Variants in PLEKHA5 observed in about 807,000 individuals in gnomAD.
PLEKHA5 encodes pleckstrin homology domain containing A5.
A neutral mutation model predicts 181.9 loss-of-function variants in PLEKHA5; 55 were observed. That is an observed-to-expected ratio of 0.30 (90% CI 0.24 to 0.38). The LOEUF is 0.38. Ranked by LOEUF, PLEKHA5 falls within the 10% of genes least tolerant of loss-of-function variation. The pLI is 1.00. For synonymous variants in PLEKHA5, 535 were observed against 529.4 expected (o/e 1.01, Z -0.15); for missense variants, 1,432 against 1,549.5 (o/e 0.92, Z 1.27).
At chr12:19,277,239 G>T (rs1055427663) in intron 11 of PLEKHA5, among the ~76,000 whole-genome samples, 11 of 152,124 alleles carry the variant, frequency 7.2e-5, no homozygotes, top group African/African-American at 2.7e-4. Flanking sequence ...TCAGAAGATT[G>T]GTGCGTCTCT....
At chr12:19,350,753 T>C (rs1442720329) in intron 25 of PLEKHA5, among the ~76,000 whole-genome samples, 1 of 151,868 alleles carries the variant, frequency 6.6e-6, no homozygotes, top group Non-Finnish European at 1.5e-5. Context: ...AGACAGTGAC[T>C]CCATCTCAAA....
rs180842459 is a variant in PLEKHA5 at position 19,298,736 on chromosome 12, A to T, written c.2037+7039A>T. On this transcript the variant is annotated intron_variant, in intron 15 of 31. Coordinates refer to ENST00000429027, the MANE Select transcript of PLEKHA5 (RefSeq NM_001256470.2). ...CTAAAGCAAAAAAATAAAATAATTTAAAAAAAATGGTTCAGAATATCAGTT... is the reference window on the plus strand; with the variant it reads ...CTAAAGCAAAAAAATAAAATAATTTTAAAAAAATGGTTCAGAATATCAGTT... Among the ~76,000 whole-genome samples, 381 of 152,088 alleles carry T rather than the reference A, an allele frequency of 2.5e-3. 3 individuals carry two copies. The highest frequency in any genetic ancestry group is 0.021 in the East Asian group (109 of 5,160).
chr12:19,304,517 A>G (rs1448007272), intron 15 of PLEKHA5, among the ~76,000 whole-genome samples: 1 of 152,214 alleles, frequency 6.6e-6, no homozygotes, highest in East Asian at 1.9e-4. Flanking sequence ...TCAGTATCTG[A>G]TATCAACTCA....
In PLEKHA5 at chr12:19,283,681, T is replaced by C. The variant is rs1437351754; in HGVS notation, c.1715T>C (p.Val572Ala). The C allele has an allele frequency of 6.2e-7, 1 of 1,613,988 alleles. No homozygotes were observed. Among genetic ancestry groups the C allele is most frequent in the Non-Finnish European group, 8.5e-7 (1 of 1,180,018 alleles). Residue 572 changes from valine to alanine, a missense_variant, in exon 12 of 32, where the codon GTG (valine) becomes GCG (alanine). Transcript: ENST00000429027. ...CCTCAACGAACTTACAGATCGGAAG[T>C]GTCTTCACCAATTCAGAGAGGAGAT... Reference protein sequence around the residue: ...YSPQRTYRSEVSSPIQRGDVT... With the variant: ...YSPQRTYRSEASSPIQRGDVT...
intron 21 of PLEKHA5, among the ~76,000 whole-genome samples, chr12:19,337,887 C>A: frequency 6.6e-6 from 1 of 151,646 alleles, no homozygotes; most frequent in South Asian, 2.1e-4. Context: ...CAAAATTAGC[C>A]GAGCTTGGTG....
intron 3 of PLEKHA5, chr12:19,152,142 A>C (rs987012666): frequency 5.3e-5 from 8 of 152,242 alleles, no homozygotes; most frequent in African/African-American, 1.7e-4. Context: ...CTGGGATTAC[A>C]GGCGTGAGCC....
intron 3 of PLEKHA5, among the ~76,000 whole-genome samples, chr12:19,191,361 C>A (rs973714987): frequency 6.6e-6 from 1 of 152,126 alleles, no homozygotes; most frequent in Non-Finnish European, 1.5e-5. Flanking sequence ...TACTTTAATA[C>A]CCTGACACAC....
intron 3 of PLEKHA5, among the ~76,000 whole-genome samples, chr12:19,225,236 C>A (rs1315459141): frequency 6.6e-6 from 1 of 152,120 alleles, no homozygotes; most frequent in African/African-American, 2.4e-5. Flanking sequence ...CCTTTTTACT[C>A]CATCTTTGGG....
chr12:19,192,866 C>A (rs78972692), intron 3 of PLEKHA5, among the ~76,000 whole-genome samples: 159 of 152,210 alleles, frequency 1.0e-3, no homozygotes, highest in Non-Finnish European at 1.6e-3. Flanking sequence ...CTAATACTTT[C>A]GATTAGGGGT....
At chr12:19,336,877 T>A (rs552001274) in intron 21 of PLEKHA5, among the ~76,000 whole-genome samples, 1 of 152,120 alleles carries the variant, frequency 6.6e-6, no homozygotes, top group Non-Finnish European at 1.5e-5. Context: ...CTCTACAGTT[T>A]CCTAAAAACA....
chr12:19,309,066 AAAAAG>A (rs1241299285), intron 15 of PLEKHA5, among the ~76,000 whole-genome samples: 1 of 152,100 alleles, frequency 6.6e-6, no homozygotes, highest in Non-Finnish European at 1.5e-5. Context: ...CATCTCAAAA[AAAAAG>A]AAAAAAAGAG....
chr12:19,306,727 C>G (rs1279888320), intron 15 of PLEKHA5: 2 of 1,287,474 alleles, frequency 1.6e-6, no homozygotes, highest in Non-Finnish European at 1.1e-6. Context: ...CGACGAACCA[C>G]ACCTCTTCCC....
chr12:19,131,278 CCT>C (rs1351807536), intron 2 of PLEKHA5, among the ~76,000 whole-genome samples: 3 of 152,246 alleles, frequency 2.0e-5, no homozygotes, highest in Non-Finnish European at 4.4e-5. Flanking sequence ...AACAAACCTG[CCT>C]CTCTGTGAAA....
intron 7 of PLEKHA5, among the ~76,000 whole-genome samples, chr12:19,263,526 G>A (rs1457021172): frequency 1.3e-5 from 2 of 152,176 alleles, no homozygotes; most frequent in Non-Finnish European, 2.9e-5. Flanking sequence ...GACATAAAAA[G>A]TGTGTTGTCA....
In PLEKHA5 at chr12:19,354,001, C is replaced by A. The variant is rs572731528; in HGVS notation, c.3137C>A (p.Thr1046Lys). 3 of 1,358,796 alleles carry A rather than the reference C, an allele frequency of 2.2e-6. No homozygotes were observed. Among genetic ancestry groups the A allele is most frequent in the Non-Finnish European group, 3.2e-6 (3 of 951,798 alleles). 84.2% of individuals were successfully genotyped at this position (1,358,796 alleles called of 1,614,324 possible). A position where few individuals can be genotyped will look rare whatever the true frequency, so the allele number is the denominator to read the frequency against. Residue 1046 changes from threonine (T) to lysine (K), a missense_variant and splice_region_variant, in exon 26 of 32, where the codon ACG becomes AAG. Thr to Lys is a moderately conservative substitution (Grantham distance 78, BLOSUM62 -1). Around this residue, in one of 2 missense-constraint regions of PLEKHA5, gnomAD observed 1,143 missense variants for 1,168.4 expected, o/e 0.98. Coordinates refer to ENST00000429027, the MANE Select transcript of PLEKHA5 (RefSeq NM_001256470.2). ...ACTAAGAAGATGATGGATCTAAGAA[C>A]GGTATTTAACTGGAAATTAATCTTC... ...RKTKKMMDLR[T>K]ERPRSAVEQL... is the part of the protein sequence containing the mutation.
At chr12:19,145,782 A>G (rs2038776449) in intron 3 of PLEKHA5, among the ~76,000 whole-genome samples, 3 of 152,112 alleles carry the variant, frequency 2.0e-5, no homozygotes, top group East Asian at 3.9e-4. Flanking sequence ...GTTTTATAAA[A>G]CAACTATTTA....
At chr12:19,156,160 G>A (rs1479644232) in intron 3 of PLEKHA5, among the ~76,000 whole-genome samples, 2 of 151,496 alleles carry the variant, frequency 1.3e-5, no homozygotes, top group African/African-American at 4.8e-5. Context: ...TGAATTGTTG[G>A]GGGTGGTCAA....
At chr12:19,220,103 A>T (rs2058690350) in intron 3 of PLEKHA5, among the ~76,000 whole-genome samples, 1 of 151,872 alleles carries the variant, frequency 6.6e-6, no homozygotes, top group Non-Finnish European at 1.5e-5. Flanking sequence ...AATGCTGGAA[A>T]CTGCTCCCAT....
At chr12:19,177,052 G>A (rs1398153489) in intron 3 of PLEKHA5, among the ~76,000 whole-genome samples, 1 of 151,954 alleles carries the variant, frequency 6.6e-6, no homozygotes, top group Non-Finnish European at 1.5e-5. Context: ...ATTTTTAGTG[G>A]AGACAGGGTT....
Sources: allele counts gnomAD v4.1 joint callset (sites outside exome capture counted in the v4.1 genomes callset), GRCh38; gene constraint gnomAD v4.1.1; regional missense constraint gnomAD v4.1.1; transcripts MANE v1.5; gene names NCBI Gene and HGNC (gene_info 2026-07-23, HGNC 2026-07-21).